The following NFKB1 variants were observed in gnomAD, a reference collection of about 807,000 sequenced individuals.
The protein encoded by NFKB1 is nuclear factor NF-kappa-B p105 subunit.
NFKB1 carries 9 observed loss-of-function variants against 105.1 expected under a neutral mutation model. That is an observed-to-expected ratio of 0.09 (90% CI 0.05 to 0.15). NFKB1 has a LOEUF of 0.15. Among genes scored for constraint, NFKB1 ranks in the 10% least tolerant of loss-of-function variants. The pLI is 1.00. For synonymous variants in NFKB1, 440 were observed against 442.2 expected (o/e 1.00, Z 0.06); for missense variants, 830 against 1,203.7 (o/e 0.69, Z 4.59).
intron 3 of NFKB1, among the ~76,000 whole-genome samples, chr4:102,530,524 G>A (rs4647990): frequency 4.4e-4 from 67 of 152,198 alleles, no homozygotes; most frequent in African/African-American, 1.5e-3. Flanking sequence ...ATGTAAGCTT[G>A]GTGTGATGGC....
rs1246754153 is a variant in NFKB1, at chr4:102,561,405, A to G, written c.259-5582A>G. On this transcript the variant is annotated intron_variant, in intron 5 of 23. Coordinates refer to ENST00000226574, the MANE Select transcript of NFKB1 (RefSeq NM_003998.4). ...GCAAGGGGACAGATACACCTCTACC[A>G]CTTCTTATAGCCATTCCTGAGACCT... 2.0e-5 allele frequency among the ~76,000 whole-genome samples: 3 copies of G among 151,716 alleles called. No individual in the cohort carries two copies. In the East Asian group the frequency reaches 5.8e-4, roughly 29 times the overall value.
intron 5 of NFKB1, among the ~76,000 whole-genome samples, chr4:102,542,685 A>C (rs1410741670): frequency 1.3e-5 from 2 of 152,316 alleles, no homozygotes; most frequent in East Asian, 3.9e-4. Context: ...ATTTTCAAGA[A>C]AGTTAATTTT....
intron 18 of NFKB1, among the ~76,000 whole-genome samples, 154 bp downstream of exon 18, chr4:102,607,473 A>T (rs1447491179): frequency 4.6e-5 from 7 of 152,122 alleles, no homozygotes; most frequent in Admixed American, 4.6e-4. Flanking sequence ...ACCTTTAGAC[A>T]TTCCCCCAAC....
intron 19 of NFKB1, among the ~76,000 whole-genome samples, chr4:102,609,167 A>AAAAAAAAAAAAAG (rs1159124292): frequency 6.6e-6 from 1 of 150,940 alleles, no homozygotes; most frequent in African/African-American, 2.4e-5. Context: ...TCAAAAAAAA[A>AAAAAAAAAAAAAG]AAAGAAAAAG....
At position 102,616,678 on chromosome 4, in the gene NFKB1, C is replaced by CA; in HGVS notation, c.*87dup. ...CACAAGACAGAAGCTGAAGTGCATCCAAAGGTGCTCAGAGAGCCGGCCCGC... is the reference window on the plus strand; with the variant it reads ...CACAAGACAGAAGCTGAAGTGCATCCAAAAGGTGCTCAGAGAGCCGGCCCGC... On this transcript the variant is annotated 3_prime_UTR_variant, in exon 24 of 24. Coordinates refer to ENST00000226574, the MANE Select transcript of NFKB1 (RefSeq NM_003998.4). 1 of 1,422,440 alleles carries CA rather than the reference C, an allele frequency of 7.0e-7. No homozygotes were observed. Among genetic ancestry groups the CA allele is most frequent in the Non-Finnish European group, 9.6e-7 (1 of 1,043,742 alleles). 88.1% of individuals were successfully genotyped at this position (1,422,440 alleles called of 1,614,324 possible). A position where few individuals can be genotyped will look rare whatever the true frequency, so the allele number is the denominator to read the frequency against.
chr4:102,548,749 C>G (rs1722332850), intron 5 of NFKB1, among the ~76,000 whole-genome samples: 1 of 152,124 alleles, frequency 6.6e-6, no homozygotes, highest in African/African-American at 2.4e-5. Flanking sequence ...CAGTTTGTGA[C>G]TTGCAGCTGC....
chr4:102,549,198 A>G (rs1722380397), intron 5 of NFKB1, among the ~76,000 whole-genome samples: 2 of 151,986 alleles, frequency 1.3e-5, no homozygotes, highest in Admixed American at 6.6e-5. Context: ...CTTACTATGT[A>G]TCTGTTATTG....
intron 2 of NFKB1, among the ~76,000 whole-genome samples, chr4:102,529,074 A>G (rs1741109154): frequency 6.6e-6 from 1 of 152,140 alleles, no homozygotes; most frequent in South Asian, 2.1e-4. Flanking sequence ...CACCTGGACA[A>G]TTCAAGACAC....
rs1429348082 is a variant in NFKB1 at position 102,548,304 on chromosome 4, C to T, written c.258+10348C>T. Among the ~76,000 whole-genome samples, 5 of 152,112 alleles carry T rather than the reference C, an allele frequency of 3.3e-5. 1 individual carries two copies. Among genetic ancestry groups the T allele is most frequent in the Admixed American group, 2.0e-4 (3 of 15,266 alleles). On this transcript the variant is annotated intron_variant, in intron 5 of 23. Transcript: ENST00000226574. ...AAGAAGTCACTGTGGCATATCTGCA[C>T]AGTCCATGCGAGGTGTGAGCATCAG... is the stretch of plus-strand genomic sequence containing the variant.
At chr4:102,571,382 A>G (rs1020422199) in intron 6 of NFKB1, among the ~76,000 whole-genome samples, 11 of 152,242 alleles carry the variant, frequency 7.2e-5, no homozygotes, top group Admixed American at 7.2e-4. Context: ...TAAAAACCCT[A>G]GAAGAAGACC....
chr4:102,556,503 A>T (rs965440238), intron 5 of NFKB1, among the ~76,000 whole-genome samples: 1 of 152,026 alleles, frequency 6.6e-6, no homozygotes, highest in Non-Finnish European at 1.5e-5. Flanking sequence ...GTTGGGGGAG[A>T]CTTTCAAGGA....
intron 9 of NFKB1, among the ~76,000 whole-genome samples, chr4:102,582,331 C>A (rs1349685409): frequency 1.3e-5 from 2 of 152,144 alleles, no homozygotes; most frequent in Non-Finnish European, 2.9e-5. Context: ...AAGTACTTAA[C>A]CTCTTTGGAC....
chr4:102,511,284 A>G (rs950404947), intron 1 of NFKB1, among the ~76,000 whole-genome samples: 1 of 152,236 alleles, frequency 6.6e-6, no homozygotes, highest in Non-Finnish European at 1.5e-5. Context: ...AGTCCTTTCT[A>G]TGTGCCAGAC....
chr4:102,533,656 A>G (rs1054680097), intron 3 of NFKB1, among the ~76,000 whole-genome samples, 189 bp from the exon 4 acceptor site: 1 of 152,234 alleles, frequency 6.6e-6, no homozygotes. Flanking sequence ...AACTATTGTT[A>G]AAATAAGGGT....
intron 5 of NFKB1, among the ~76,000 whole-genome samples, chr4:102,549,492 C>T (rs932876964): frequency 1.3e-5 from 2 of 149,786 alleles, no homozygotes; most frequent in African/African-American, 2.4e-5. Flanking sequence ...ATATATAAAA[C>T]TTAACACTAT....
chr4:102,554,871 G>C (rs1010864219), intron 5 of NFKB1, among the ~76,000 whole-genome samples: 1 of 152,108 alleles, frequency 6.6e-6, no homozygotes, highest in Admixed American at 6.5e-5. Context: ...TGTGTCTCAA[G>C]GTCGAATTCT....
chr4:102,573,647 A>G (rs1281997643), intron 6 of NFKB1, among the ~76,000 whole-genome samples: 1 of 151,886 alleles, frequency 6.6e-6, no homozygotes. Context: ...ACTCCTCTTC[A>G]TCTTCTTCTG....
At chr4:102,506,953 G>A (rs1048346281) in intron 1 of NFKB1, among the ~76,000 whole-genome samples, 9 of 148,954 alleles carry the variant, frequency 6.0e-5, no homozygotes, top group Non-Finnish European at 1.2e-4. Flanking sequence ...CAACAAAAAA[G>A]GTTATATATA....
chr4:102,615,199 C>T (rs187706225), intron 23 of NFKB1, among the ~76,000 whole-genome samples: 5 of 152,352 alleles, frequency 3.3e-5, no homozygotes, highest in African/African-American at 4.8e-5. Context: ...CCTGATCCAG[C>T]ATACACTGTG....
Sources: allele counts gnomAD v4.1 joint callset (sites outside exome capture counted in the v4.1 genomes callset), GRCh38; gene constraint gnomAD v4.1.1; transcripts MANE v1.5; gene names NCBI Gene and HGNC (gene_info 2026-07-23, HGNC 2026-07-21).